WDR70: variants seen among roughly 807,000 people sequenced by gnomAD.
WDR70 encodes the protein WD repeat-containing protein 70.
In WDR70, 53 loss-of-function variants were observed where a neutral mutation model predicts 88.6. The observed-to-expected ratio is 0.60, with a 90% confidence interval of 0.48 to 0.75. The LOEUF (loss-of-function observed/expected upper bound fraction) is 0.75. WDR70 is among the 30% of genes least tolerant of loss of function. WDR70 has a pLI of 0.00. For synonymous variants in WDR70, 280 were observed against 270.0 expected, an observed-to-expected ratio of 1.04 and a Z score of -0.36; for missense variants, 610 against 823.2, an observed-to-expected ratio of 0.74 and a Z score of 3.17.
At chr5:37,674,376 C>T (rs985290648) in intron 10 of WDR70, among the ~76,000 whole-genome samples, 1 of 151,900 alleles carries the variant, frequency 6.6e-6, no homozygotes, top group South Asian at 2.1e-4. Flanking sequence ...AATGCTATTC[C>T]CCCGCCTTCC....
chr5:37,695,766 C>T (rs1281364899), intron 10 of WDR70, among the ~76,000 whole-genome samples: 2 of 152,302 alleles, frequency 1.3e-5, no homozygotes, highest in Middle Eastern at 3.4e-3. Context: ...ATTTTAAGGT[C>T]AGCTGACTAG....
At chr5:37,450,454 A>G (rs192030983) in intron 7 of WDR70, among the ~76,000 whole-genome samples, 10 of 152,312 alleles carry the variant, frequency 6.6e-5, no homozygotes, top group Admixed American at 5.2e-4. Flanking sequence ...ATCCACGTTA[A>G]CCTGAACACC....
intron 7 of WDR70, among the ~76,000 whole-genome samples, chr5:37,453,768 C>A (rs1232786680): frequency 6.6e-6 from 1 of 152,136 alleles, no homozygotes; most frequent in Non-Finnish European, 1.5e-5. Flanking sequence ...CTGTAACTGT[C>A]ATCAAGTTAC....
At chr5:37,530,570 G>T (rs1023254855) in intron 9 of WDR70, among the ~76,000 whole-genome samples, 9 of 151,644 alleles carry the variant, frequency 5.9e-5, no homozygotes, top group African/African-American at 2.2e-4. Context: ...ATCGCCTCTA[G>T]TTTTTCTAGT....
At chr5:37,715,941 C>CA (rs986684810) in intron 13 of WDR70, among the ~76,000 whole-genome samples, 24 of 152,024 alleles carry the variant, frequency 1.6e-4, no homozygotes, top group African/African-American at 5.8e-4. Context: ...CACACACACC[C>CA]ATTCAAATGT....
chr5:37,582,887 CT>C (rs1162877962), intron 9 of WDR70, among the ~76,000 whole-genome samples: 1 of 152,184 alleles, frequency 6.6e-6, no homozygotes, highest in Non-Finnish European at 1.5e-5. Context: ...CGTAGCACTT[CT>C]TTAGGATGTC....
At chr5:37,516,628 C>T in intron 9 of WDR70, 38 bp downstream of exon 9, 1 of 1,393,366 alleles carries the variant, frequency 7.2e-7, no homozygotes, top group Non-Finnish European at 1.0e-6. Context: ...ACATTCATAT[C>T]TTTAGGTATT....
At chr5:37,727,522 A>C (rs1043956448) in intron 17 of WDR70, among the ~76,000 whole-genome samples, 3 of 152,306 alleles carry the variant, frequency 2.0e-5, no homozygotes, top group Admixed American at 2.0e-4. Flanking sequence ...AAAGCTATCA[A>C]ACCAGCTACA....
chr5:37,506,800 C>T (rs763527185), intron 8 of WDR70: 11 of 1,364,284 alleles, frequency 8.1e-6, no homozygotes, highest in African/African-American at 2.8e-5. Flanking sequence ...GTTCCATATA[C>T]AGCAACCACC....
At chr5:37,534,278 TG>T (rs1213086013) in intron 9 of WDR70, among the ~76,000 whole-genome samples, 2 of 152,224 alleles carry the variant, frequency 1.3e-5, no homozygotes, top group African/African-American at 4.8e-5. Context: ...TAAAAGGTTT[TG>T]AATGGGGTAT....
At chr5:37,455,243 CTTTTTTTTTTTT>C (rs544303522) in intron 7 of WDR70, among the ~76,000 whole-genome samples, 1 of 123,116 alleles carries the variant, frequency 8.1e-6, no homozygotes, top group Non-Finnish European at 1.7e-5. Context: ...TTCTTTCTTT[CTTTTTTTTTTTT>C]TTTTTTTGAG....
chr5:37,704,559 G>T (rs568362943), intron 13 of WDR70, among the ~76,000 whole-genome samples: 4 of 152,072 alleles, frequency 2.6e-5, no homozygotes, highest in African/African-American at 9.7e-5. Flanking sequence ...CTTTTTCTCC[G>T]TGGTACTTAC....
intron 9 of WDR70, among the ~76,000 whole-genome samples, chr5:37,527,648 A>G (rs900954123): frequency 1.5e-4 from 23 of 152,246 alleles, no homozygotes; most frequent in African/African-American, 4.1e-4. Flanking sequence ...TAAATAAACT[A>G]AAGAGCTTCT....
chr5:37,659,744 A>T (rs79355683), intron 10 of WDR70, among the ~76,000 whole-genome samples: 6,131 of 152,240 alleles, frequency 0.04, 441 homozygotes, highest in African/African-American at 0.14. Context: ...TGACTGAAAG[A>T]GATGGAGTGG....
At chr5:37,491,015 G>A (rs1356787243) in intron 8 of WDR70, among the ~76,000 whole-genome samples, 1 of 152,106 alleles carries the variant, frequency 6.6e-6, no homozygotes, top group African/African-American at 2.4e-5. Flanking sequence ...CAGGTGCTTG[G>A]GTTTCCAGGT....
At chr5:37,574,497 A>G (rs932336757) in intron 9 of WDR70, among the ~76,000 whole-genome samples, 1 of 152,116 alleles carries the variant, frequency 6.6e-6, no homozygotes, top group African/African-American at 2.4e-5. Context: ...TTTGAAAGTT[A>G]GCATATGTCA....
At chr5:37,697,590 G>A in intron 10 of WDR70, 65 bp from the exon 11 acceptor site, 1 of 1,291,304 alleles carries the variant, frequency 7.7e-7, no homozygotes, top group Non-Finnish European at 1.1e-6. Context: ...AAATGTTCTT[G>A]CCACAAAACT....
At chr5:37,602,480 G>C (rs186503390) in intron 9 of WDR70, among the ~76,000 whole-genome samples, 6 of 151,782 alleles carry the variant, frequency 4.0e-5, no homozygotes, top group African/African-American at 1.5e-4. Flanking sequence ...GGTGGCGGGC[G>C]CCTGTAATCC....
intron 5 of WDR70, among the ~76,000 whole-genome samples, chr5:37,417,569 T>C (rs1749800385): frequency 6.6e-6 from 1 of 151,362 alleles, no homozygotes; most frequent in Non-Finnish European, 1.5e-5. Context: ...GACAGCGTAT[T>C]GCTCTGTTGC....
Sources: allele counts gnomAD v4.1 joint callset (sites outside exome capture counted in the v4.1 genomes callset), GRCh38; gene constraint gnomAD v4.1.1; transcripts MANE v1.5; gene names NCBI Gene and HGNC (gene_info 2026-07-23, HGNC 2026-07-21).